GNAQ: variants seen among roughly 807,000 people sequenced by gnomAD.
GNAQ encodes the protein guanine nucleotide-binding protein G(q) subunit alpha.
In GNAQ, 8 loss-of-function variants were observed where a neutral mutation model predicts 43.9. That is an observed-to-expected ratio of 0.18 (90% CI 0.11 to 0.33). The LOEUF is 0.33. Ranked by LOEUF, GNAQ falls within the 10% of genes least tolerant of loss-of-function variation. The pLI, the probability that GNAQ is intolerant of heterozygous loss-of-function variation, is 1.00. For synonymous variants in GNAQ, 155 were observed against 170.7 expected, an observed-to-expected ratio of 0.91 and a Z score of 0.71; for missense variants, 158 against 450.8, an observed-to-expected ratio of 0.35 and a Z score of 5.88.
At chr9:77,948,986 C>G (rs1454382927) in intron 1 of GNAQ, among the ~76,000 whole-genome samples, 1 of 152,154 alleles carries the variant, frequency 6.6e-6, no homozygotes, top group East Asian at 1.9e-4. Context: ...TTCAGGTGCC[C>G]CAGGGTCTCC....
chr9:77,925,487 C>A (rs1049278777), intron 1 of GNAQ, among the ~76,000 whole-genome samples: 1 of 152,042 alleles, frequency 6.6e-6, no homozygotes, highest in Non-Finnish European at 1.5e-5. Flanking sequence ...TTGACTACAC[C>A]CAGTTTTTCT....
At chr9:77,803,997 G>A (rs758718849) in intron 3 of GNAQ, among the ~76,000 whole-genome samples, 6 of 152,118 alleles carry the variant, frequency 3.9e-5, no homozygotes, top group Non-Finnish European at 7.4e-5. Context: ...TATGACAGAA[G>A]CTTCAACTTC....
chr9:77,869,159 GTAAT>G (rs200564323), intron 2 of GNAQ, among the ~76,000 whole-genome samples: 2,094 of 152,192 alleles, frequency 0.014, 54 homozygotes, highest in African/African-American at 0.047. Flanking sequence ...AACCATGTAA[GTAAT>G]TATTCATTTT....
intron 2 of GNAQ, among the ~76,000 whole-genome samples, chr9:77,873,179 G>C (rs1828070079): frequency 6.6e-6 from 1 of 152,156 alleles, no homozygotes; most frequent in African/African-American, 2.4e-5. Flanking sequence ...CTGTAATAAT[G>C]GTGGCAAACA....
At chr9:77,933,185 C>G (rs907134709) in intron 1 of GNAQ, among the ~76,000 whole-genome samples, 2 of 152,198 alleles carry the variant, frequency 1.3e-5, no homozygotes, top group African/African-American at 4.8e-5. Flanking sequence ...CTCTGGGCCT[C>G]AAAGGCAAGG....
At chr9:77,859,357 A>G (rs1432212654) in intron 2 of GNAQ, among the ~76,000 whole-genome samples, 2 of 152,216 alleles carry the variant, frequency 1.3e-5, no homozygotes, top group African/African-American at 4.8e-5. Context: ...TGCTTTAACT[A>G]CAGAAGGAGA....
intron 3 of GNAQ, among the ~76,000 whole-genome samples, chr9:77,809,209 C>G (rs1826876503): frequency 6.6e-6 from 1 of 152,166 alleles, no homozygotes; most frequent in African/African-American, 2.4e-5. Context: ...GGCTCCGGAT[C>G]ATGTGGAAAT....
intron 1 of GNAQ, among the ~76,000 whole-genome samples, chr9:77,980,254 C>A (rs1423424946): frequency 6.6e-6 from 1 of 152,170 alleles, no homozygotes; most frequent in African/African-American, 2.4e-5. Context: ...AAAAGCATAG[C>A]CCCTGGTGCT....
At chr9:77,969,272 G>C (rs1395572312) in intron 1 of GNAQ, among the ~76,000 whole-genome samples, 1 of 152,126 alleles carries the variant, frequency 6.6e-6, no homozygotes, top group Non-Finnish European at 1.5e-5. Flanking sequence ...ACACTCCTGT[G>C]ATTCCCTGTA....
At chr9:77,783,303 C>G (rs1826425296) in intron 5 of GNAQ, among the ~76,000 whole-genome samples, 1 of 152,120 alleles carries the variant, frequency 6.6e-6, no homozygotes, top group African/African-American at 2.4e-5. Flanking sequence ...AATTCCTCTA[C>G]AACACAAAGT....
intron 5 of GNAQ, among the ~76,000 whole-genome samples, chr9:77,735,521 C>T (rs1460822714): frequency 6.6e-6 from 1 of 152,136 alleles, no homozygotes; most frequent in Non-Finnish European, 1.5e-5. Flanking sequence ...AATTTGCAAG[C>T]CTAGTCTTCT....
chr9:77,733,975 C>G (rs143749846), intron 5 of GNAQ, among the ~76,000 whole-genome samples: 1 of 152,170 alleles, frequency 6.6e-6, no homozygotes, highest in Non-Finnish European at 1.5e-5. Flanking sequence ...GGCCCAAGAC[C>G]CCAGCTGGAA....
At chr9:77,767,150 GGGAA>G (rs1246742604) in intron 5 of GNAQ, among the ~76,000 whole-genome samples, 2 of 152,084 alleles carry the variant, frequency 1.3e-5, no homozygotes, top group Non-Finnish European at 2.9e-5. Flanking sequence ...AGTTGGCAAG[GGGAA>G]GGGTTGGGAG....
At chr9:77,759,999 G>GGCAC (rs1825967554) in intron 5 of GNAQ, among the ~76,000 whole-genome samples, 2 of 146,906 alleles carry the variant, frequency 1.4e-5, no homozygotes, top group African/African-American at 5.0e-5. Flanking sequence ...GGCACAAAGT[G>GGCAC]ATCCTCCTAC....
At chr9:77,804,388 G>GGTGTGGCGGC in intron 3 of GNAQ, among the ~76,000 whole-genome samples, 1 of 152,296 alleles carries the variant, frequency 6.6e-6, no homozygotes, top group Non-Finnish European at 1.5e-5. Flanking sequence ...TTATAAGCCA[G>GGTGTGGCGGC]GTGTGGCGGC....
At chr9:77,992,104 G>A (rs1428576571) in intron 1 of GNAQ, among the ~76,000 whole-genome samples, 1 of 152,162 alleles carries the variant, frequency 6.6e-6, no homozygotes, top group Non-Finnish European at 1.5e-5. Flanking sequence ...CTGCTGGATC[G>A]AATGGTAGTT....
At chr9:77,734,962 G>A (rs1177115666) in intron 5 of GNAQ, among the ~76,000 whole-genome samples, 1 of 152,108 alleles carries the variant, frequency 6.6e-6, no homozygotes, top group Non-Finnish European at 1.5e-5. Flanking sequence ...CATCTGCTGG[G>A]TACACCTACC....
intron 2 of GNAQ, among the ~76,000 whole-genome samples, chr9:77,883,542 A>G (rs1828250824): frequency 6.7e-6 from 1 of 149,770 alleles, no homozygotes; most frequent in Admixed American, 6.7e-5. Flanking sequence ...GCATGTTTTT[A>G]CATGGGTATA....
chr9:77,781,506 T>C (rs1045258580), intron 5 of GNAQ, among the ~76,000 whole-genome samples: 3 of 152,116 alleles, frequency 2.0e-5, no homozygotes, highest in Non-Finnish European at 4.4e-5. Flanking sequence ...GAATACCTCC[T>C]AACTCATTAT....
Sources: allele counts gnomAD v4.1 joint callset (sites outside exome capture counted in the v4.1 genomes callset), GRCh38; gene constraint gnomAD v4.1.1; transcripts MANE v1.5; gene names NCBI Gene and HGNC (gene_info 2026-07-23, HGNC 2026-07-21).